THOP1: variants seen among roughly 807,000 people sequenced by gnomAD.
The protein encoded by THOP1 is thimet oligopeptidase 1, also known as thimet oligopeptidase.
THOP1 carries 49 observed loss-of-function variants against 71.8 expected under a neutral mutation model. The observed-to-expected ratio is 0.68, with a 90% CI of 0.54 to 0.87. THOP1 has a LOEUF of 0.87. Ranked by LOEUF, THOP1 falls within the 40% of genes least tolerant of loss-of-function variation. THOP1 has a pLI of 0.00. For synonymous variants in THOP1, 426 were observed against 421.5 expected, an observed-to-expected ratio of 1.01 and a Z score of -0.13; for missense variants, 843 against 975.6, an observed-to-expected ratio of 0.86 and a Z score of 1.81.
intron 11 of THOP1, 109 bp downstream of exon 11, chr19:2,810,877 C>T: frequency 6.9e-7 from 1 of 1,453,882 alleles, no homozygotes; most frequent in African/African-American, 1.4e-5. Flanking sequence ...GCAGGAGTCC[C>T]TGCTGGGGAG....
rs368086026 is a variant in THOP1 at position 2,810,763 on chromosome 19, C to T, written c.1766C>T (p.Thr589Met). The change falls in exon 11 of 13, where the codon ACG becomes ATG. Residue 589 changes from threonine (T) to methionine (M), a missense_variant. Coordinates refer to ENST00000307741, the MANE Select transcript of THOP1 (RefSeq NM_003249.5). Reference protein sequence around the residue: ...LCQEILGVPATPGTNMPATFG... With the variant: ...LCQEILGVPAMPGTNMPATFG... ...CAGGAGATCCTCGGGGTCCCGGCCACGCCAGGTAGCCACCCTTGAGCCGGG... is the reference window on the plus strand; with the variant it reads ...CAGGAGATCCTCGGGGTCCCGGCCATGCCAGGTAGCCACCCTTGAGCCGGG... 43 of 1,602,548 alleles carry T rather than the reference C, an allele frequency of 2.7e-5. No individual in the cohort carries two copies. Among genetic ancestry groups the T allele is most frequent in the East Asian group, 4.5e-5 (2 of 44,738 alleles).
intron 8 of THOP1, 56 bp downstream of exon 8, chr19:2,807,864 C>G: frequency 7.1e-7 from 1 of 1,416,674 alleles, no homozygotes; most frequent in Non-Finnish European, 9.2e-7. Flanking sequence ...CTCCTCGGAG[C>G]CCGGTGTGCC....
rs1568324092 is a variant in THOP1, at chr19:2,805,798, TGGGCGGGCACTGATCACTGCAAGGGGAC to T, written c.750+630_750+657del. On this transcript the variant is annotated intron_variant, in intron 6 of 12. Coordinates refer to ENST00000307741, the MANE Select transcript of THOP1 (RefSeq NM_003249.5). This position sits in a 1 kb window ranked among gnomAD's most constrained non-coding sequence, Gnocchi z 6.6. The stretch of plus-strand genomic sequence containing the variant: ...ATACACGCTGATCACTGCAAAGGGA[TGGGCGGGCACTGATCACTGCAAGGGGAC>T]GGGCGGGTGCCCATCACTGCGGGGG... Among the ~76,000 whole-genome samples the T allele has an allele frequency of 4.1e-5, 6 of 147,734 alleles. No individual in the cohort carries two copies. In the East Asian group the frequency reaches 1.0e-3, roughly 25 times the overall value.
intron 1 of THOP1, among the ~76,000 whole-genome samples, chr19:2,786,183 G>A (rs1364383974): frequency 6.6e-6 from 1 of 152,170 alleles, no homozygotes; most frequent in Non-Finnish European, 1.5e-5. Context: ...GACCGGGGAA[G>A]GAGGCGTCCC....
In THOP1 at chr19:2,785,569, G is replaced by C. The variant is rs979297202; in HGVS notation, c.-94G>C. ...AGGCGGCCGTGGCGGCGGTGGCGGC[G>C]GTTGGGCCGAGGCAGGCGGCCTCAG... is the stretch of plus-strand genomic sequence containing the variant. On this transcript the variant is annotated 5_prime_UTR_variant, in exon 1 of 13. Transcript: ENST00000307741. 7.8e-6 allele frequency: 11 copies of C among 1,401,884 alleles called. No individual in the cohort carries two copies. The highest frequency in any genetic ancestry group is 1.0e-5 in the Non-Finnish European group (11 of 1,062,094). 86.8% of individuals were successfully genotyped at this position (1,401,884 alleles called of 1,614,324 possible). A position where few individuals can be genotyped will look rare whatever the true frequency, so the allele number is the denominator to read the frequency against.
rs1303011084 is a variant in THOP1 at position 2,815,169 on chromosome 19, C to G, written c.*1893C>G. 2 of 152,396 alleles carry G rather than the reference C, an allele frequency of 1.3e-5. No homozygotes were observed. The highest frequency in any genetic ancestry group is 3.9e-4 in the East Asian group (2 of 5,184). 9.4% of individuals were successfully genotyped at this position (152,396 alleles called of 1,614,324 possible). A position where few individuals can be genotyped will look rare whatever the true frequency, so the allele number is the denominator to read the frequency against. ...AGTCTGGGGGCTCCCTCATCTTCCC[C>G]TGCCCCGAGCCCTCAGGTGGCCTCC... On this transcript the variant is annotated 3_prime_UTR_variant, in exon 13 of 13. Transcript: ENST00000307741.
rs578196562 is a variant in THOP1, at chr19:2,785,541, C to G, written c.-122C>G. 2.6e-3 allele frequency: 3,250 copies of G among 1,236,286 alleles called. 5 individuals carry two copies. Among genetic ancestry groups the G allele is most frequent in the Non-Finnish European group, 3.1e-3 (2,946 of 936,660 alleles). The allele number at this position is 1,236,286 out of a possible 1,614,324, so 76.6% of individuals were successfully genotyped here. ...AGCGCGGGCGGCGGGCCCCTTGGTC[C>G]TCAGGCGGCCGTGGCGGCGGTGGCG... is the stretch of plus-strand genomic sequence containing the variant. On this transcript the variant is annotated 5_prime_UTR_variant, in exon 1 of 13. Coordinates refer to ENST00000307741, the MANE Select transcript of THOP1 (RefSeq NM_003249.5).
chr19:2,811,244 C>G (rs1026074411), intron 11 of THOP1, among the ~76,000 whole-genome samples: 4 of 152,190 alleles, frequency 2.6e-5, no homozygotes, highest in Non-Finnish European at 4.4e-5. Context: ...GCTTAACACT[C>G]CATAGACTTC....
At chr19:2,800,351 A>G (rs1916117644) in intron 5 of THOP1, among the ~76,000 whole-genome samples, 1 of 152,032 alleles carries the variant, frequency 6.6e-6, no homozygotes, top group South Asian at 2.1e-4. Flanking sequence ...ACACCTGGCA[A>G]ATTTTTTTAT....
At position 2,796,119 on chromosome 19, in the gene THOP1, G is replaced by A. The variant is rs143181844; in HGVS notation, c.417G>A (p.Ala139=). 169 of 1,613,940 alleles carry A rather than the reference G, an allele frequency of 1.0e-4. 1 individual carries two copies. The highest frequency in any genetic ancestry group is 4.8e-4 in the Admixed American group (29 of 60,022). The part of the protein sequence containing the change: ...VQKDSLRPEA[A]RYLERLIKLG... Reference sequence around the variant, plus strand: ...AGGACTCACTGAGGCCCGAGGCTGCGCGGTACCTGGAGCGGCTAATCAAGC... The same window carrying A: ...AGGACTCACTGAGGCCCGAGGCTGCACGGTACCTGGAGCGGCTAATCAAGC... Residue 139 remains alanine (A), a synonymous_variant, in exon 4 of 13, where the codon GCG becomes GCA. Transcript: ENST00000307741.
chr19:2,790,144 G>A (rs1280333427), intron 1 of THOP1, among the ~76,000 whole-genome samples: 1 of 152,134 alleles, frequency 6.6e-6, no homozygotes, highest in Admixed American at 6.6e-5. Context: ...GTACTAAGCA[G>A]GATCCCTGGC....
intron 7 of THOP1, 52 bp downstream of exon 7, chr19:2,807,104 G>T: frequency 3.8e-6 from 6 of 1,563,034 alleles, no homozygotes; most frequent in Non-Finnish European, 5.2e-6. Context: ...GGTTCTCAGG[G>T]TCACCCCAGG....
chr19:2,786,827 G>C (rs1249568194), intron 1 of THOP1: 2 of 147,970 alleles, frequency 1.4e-5, no homozygotes. Flanking sequence ...GCAGTGGCGC[G>C]ATCTCGGCTC....
At position 2,807,659 on chromosome 19, in the gene THOP1, G is replaced by T. The variant is rs766045267; in HGVS notation, c.1104G>T (p.Gly368=). 1.2e-6 allele frequency: 2 copies of T among 1,608,472 alleles called. No individual in the cohort carries two copies. Among genetic ancestry groups the T allele is most frequent in the Non-Finnish European group, 1.7e-6 (2 of 1,176,554 alleles). The change falls in exon 8 of 13, where the codon GGG becomes GGT. Residue 368 remains glycine (G), a synonymous_variant. Transcript: ENST00000307741. The part of the protein sequence containing the change: ...EYFPVQVVTH[G]LLGIYQELLG... ...TCCCCGTGCAGGTGGTCACGCACGG[G>T]CTGCTGGGCATCTACCAGGAGCTCC...
Position 2,785,508 on chromosome 19 carries a change from G to T in THOP1, c.-155G>T. 2.6e-6 allele frequency: 2 copies of T among 755,690 alleles called. No individual in the cohort carries two copies. The highest frequency in any genetic ancestry group is 3.7e-6 in the Non-Finnish European group (2 of 541,648). The allele number at this position is 755,690 out of a possible 1,614,324, so 46.8% of individuals were successfully genotyped here. On this transcript the variant is annotated 5_prime_UTR_variant, in exon 1 of 13. It removes an upstream start codon present in the reference 5' UTR. Transcript: ENST00000307741. ...CCCTGTGCGCGCGCCGCCCCAGCAT[G>T]CCCCGGGAGCGCGGGCGGCGGGCCC... is the stretch of plus-strand genomic sequence containing the variant.
intron 6 of THOP1, chr19:2,806,240 G>C (rs1916289218): frequency 6.6e-6 from 1 of 152,392 alleles, no homozygotes; most frequent in Non-Finnish European, 1.5e-5. Context: ...TGGTCCCCAG[G>C]CTTGGGTCCT....
At chr19:2,802,094 T>G (rs2741991) in intron 5 of THOP1, among the ~76,000 whole-genome samples, 3 of 146,382 alleles carry the variant, frequency 2.0e-5, no homozygotes, top group Non-Finnish European at 4.6e-5. Flanking sequence ...CTCCCAATAC[T>G]GCTACCTCTC....
chr19:2,786,364 G>C (rs563680622), intron 1 of THOP1, among the ~76,000 whole-genome samples: 18 of 152,272 alleles, frequency 1.2e-4, no homozygotes, highest in African/African-American at 4.3e-4. Flanking sequence ...TCCCGCCTCA[G>C]CCACCTGAGT....
chr19:2,800,706 G>A (rs946257019), intron 5 of THOP1, among the ~76,000 whole-genome samples: 5 of 152,324 alleles, frequency 3.3e-5, no homozygotes, highest in African/African-American at 7.2e-5. Flanking sequence ...CCCGTGTCTC[G>A]GGCAGCACAT....
Sources: gnomAD v4.1 joint callset for allele counts (sites outside exome capture counted in the v4.1 genomes callset) on GRCh38, gnomAD v4.1.1 for gene constraint, Gnocchi (gnomAD v3.1) non-coding constraint, MANE v1.5 for transcripts, NCBI Gene and HGNC (gene_info 2026-07-23, HGNC 2026-07-21) for gene names.